The following LURAP1L variants were observed in gnomAD, a reference collection of about 807,000 sequenced individuals.
The protein encoded by LURAP1L is leucine rich adaptor protein 1-like.
In LURAP1L, 12 loss-of-function variants were observed where a neutral mutation model predicts 13.8. The ratio of observed to expected loss-of-function variants is 0.87; its 90% CI spans 0.56 to 1.41. LURAP1L has a LOEUF of 1.41. LURAP1L is among the 40% of genes most tolerant of loss of function. The pLI is 0.00. For missense variants in LURAP1L, 375 were observed against 292.9 expected, an observed-to-expected ratio of 1.28 and a Z score of -2.04; for synonymous variants, 139 against 119.2, an observed-to-expected ratio of 1.17 and a Z score of -1.08.
At chr9:12,788,919 T>A (rs1167448989) in intron 1 of LURAP1L, among the ~76,000 whole-genome samples, 1 of 150,640 alleles carries the variant, frequency 6.6e-6, no homozygotes, top group Non-Finnish European at 1.5e-5. Flanking sequence ...ATATTTTTAA[T>A]AAGCTGAGTG....
intron 1 of LURAP1L, among the ~76,000 whole-genome samples, chr9:12,816,429 T>A (rs993180678): frequency 1.3e-5 from 2 of 152,098 alleles, no homozygotes; most frequent in African/African-American, 4.8e-5. Context: ...TCCCCAAAGG[T>A]CAAATAGGAA....
At chr9:12,809,187 C>G (rs1819703940) in intron 1 of LURAP1L, among the ~76,000 whole-genome samples, 1 of 152,198 alleles carries the variant, frequency 6.6e-6, no homozygotes, top group Non-Finnish European at 1.5e-5. Context: ...CGAAACACCT[C>G]CTACCAGGCC....
chr9:12,806,400 T>G (rs1554658886), intron 1 of LURAP1L, among the ~76,000 whole-genome samples: 1 of 152,080 alleles, frequency 6.6e-6, no homozygotes, highest in Non-Finnish European at 1.5e-5. Context: ...TTTTCTTTTC[T>G]GGGTAGAAGC....
intron 1 of LURAP1L, among the ~76,000 whole-genome samples, chr9:12,804,298 T>A (rs1256374035): frequency 6.6e-6 from 1 of 152,060 alleles, no homozygotes; most frequent in African/African-American, 2.4e-5. Context: ...TACATTTGCA[T>A]CAGTTCTAAT....
chr9:12,795,911 A>G (rs965060450), intron 1 of LURAP1L, among the ~76,000 whole-genome samples: 2 of 152,116 alleles, frequency 1.3e-5, no homozygotes, highest in Non-Finnish European at 2.9e-5. Flanking sequence ...ATTAAAAATG[A>G]CAAAAATATT....
intron 1 of LURAP1L, among the ~76,000 whole-genome samples, chr9:12,815,092 A>C (rs6474732): frequency 0.16 from 24,559 of 151,952 alleles, 2,346 homozygotes; most frequent in East Asian, 0.32. Flanking sequence ...AAAGATGATA[A>C]TATTTTTATG....
At chr9:12,808,015 C>T (rs1819684373) in intron 1 of LURAP1L, among the ~76,000 whole-genome samples, 1 of 152,080 alleles carries the variant, frequency 6.6e-6, no homozygotes, top group Admixed American at 6.5e-5. Flanking sequence ...TCTCTTGTCT[C>T]TTATAAAATG....
chr9:12,805,487 A>C (rs1445654179), intron 1 of LURAP1L, among the ~76,000 whole-genome samples: 1 of 152,180 alleles, frequency 6.6e-6, no homozygotes, highest in South Asian at 2.1e-4. Flanking sequence ...TCAGTTCCAC[A>C]ACCTCAAGCA....
In LURAP1L at chr9:12,775,834, G is replaced by A; in HGVS notation, c.119G>A (p.Arg40Lys). The A allele has an allele frequency of 6.2e-7, 1 of 1,603,888 alleles. No homozygotes were observed. Among genetic ancestry groups the A allele is most frequent in the Non-Finnish European group, 8.5e-7 (1 of 1,175,894 alleles). ...GAGCCGGTTCCCAGGGAAAGGGACA[G>A]GGACCCCTGCGGGGGGAGCGGTGGT... ...GEEPVPRERDRDPCGGSGGGG... is the reference protein window; with the variant it reads ...GEEPVPRERDKDPCGGSGGGG... Residue 40 changes from arginine to lysine, a missense_variant, in exon 1 of 2, where the codon AGG becomes AAG. Arg to Lys is a conservative substitution (Grantham distance 26). Coordinates refer to ENST00000319264, the MANE Select transcript of LURAP1L (RefSeq NM_203403.2).
chr9:12,792,331 C>T (rs1334402617), intron 1 of LURAP1L, among the ~76,000 whole-genome samples: 1 of 152,074 alleles, frequency 6.6e-6, no homozygotes, highest in Non-Finnish European at 1.5e-5. Flanking sequence ...TAAATAATTT[C>T]TTAGCACTTT....
intron 1 of LURAP1L, among the ~76,000 whole-genome samples, chr9:12,783,874 CTTTTA>C (rs1159130085): frequency 9.0e-5 from 10 of 110,594 alleles, no homozygotes; most frequent in African/African-American, 2.4e-4. Flanking sequence ...CTTTTTTATT[CTTTTA>C]TTTTGTCTCC....
At chr9:12,794,600 G>A (rs148622658) in intron 1 of LURAP1L, among the ~76,000 whole-genome samples, 2 of 152,028 alleles carry the variant, frequency 1.3e-5, no homozygotes, top group Non-Finnish European at 2.9e-5. Context: ...CCATACACAT[G>A]AAATTAATTT....
At chr9:12,790,564 A>G (rs1453556615) in intron 1 of LURAP1L, 2 of 152,224 alleles carry the variant, frequency 1.3e-5, no homozygotes, top group African/African-American at 4.8e-5. Context: ...CTATTACTGT[A>G]GCGATTCACT....
Position 12,775,628 on chromosome 9 carries a change from G to C in LURAP1L, c.-88G>C. The C allele has an allele frequency of 8.7e-6, 13 of 1,494,330 alleles. No individual in the cohort carries two copies. Among genetic ancestry groups the C allele is most frequent in the Non-Finnish European group, 1.2e-5 (13 of 1,125,292 alleles). The allele number at this position is 1,494,330 out of a possible 1,614,324, so 92.6% of individuals were successfully genotyped here. ...GGATAGAGACCCTGGCCCCCGGAGA[G>C]GTCTGCTGATTTCGCAGCAGCCTTC... On this transcript the variant is annotated 5_prime_UTR_variant, in exon 1 of 2. Transcript: ENST00000319264.
chr9:12,798,975 C>T (rs1480775578), intron 1 of LURAP1L, among the ~76,000 whole-genome samples: 1 of 152,134 alleles, frequency 6.6e-6, no homozygotes, highest in Non-Finnish European at 1.5e-5. Context: ...TTGCTTCTTT[C>T]TTGAAAGATT....
At position 12,788,194 on chromosome 9, in the gene LURAP1L, A is replaced by AGAAAGAAAGAAAGAAAGAAAGAAAGAAAG. The variant is rs1554657448; in HGVS notation, c.312+12167_312+12168insGAAAGAAAGAAAGAAAGAAAGAAAGAAAG. On this transcript the variant is annotated intron_variant, in intron 1 of 1. Coordinates refer to ENST00000319264, the MANE Select transcript of LURAP1L (RefSeq NM_203403.2). Reference sequence around the variant, plus strand: ...AAGAAAGAAAGAAAGAAAGAAAGAAAAGAAAAGAAAAGAAAAGCTCAATGT... The same window carrying AGAAAGAAAGAAAGAAAGAAAGAAAGAAAG: ...AAGAAAGAAAGAAAGAAAGAAAGAAAGAAAGAAAGAAAGAAAGAAAGAAAGAAAGAGAAAAGAAAAGAAAAGCTCAATGT... Among the ~76,000 whole-genome samples, 9 of 151,524 alleles carry AGAAAGAAAGAAAGAAAGAAAGAAAGAAAG rather than the reference A, an allele frequency of 5.9e-5. No individual in the cohort carries two copies. In the East Asian group the frequency reaches 7.9e-4, roughly 13 times the overall value.
At chr9:12,781,503 C>T (rs3949960) in intron 1 of LURAP1L, among the ~76,000 whole-genome samples, 86,929 of 152,048 alleles carry the variant, frequency 0.57, 29,078 homozygotes, top group Non-Finnish European at 0.77. Flanking sequence ...AGTGAGACCA[C>T]GCCAAGTTTG....
rs1418560261 is a variant in LURAP1L, at chr9:12,821,964, T to C, written c.*204T>C. The C allele has an allele frequency of 4.1e-6, 2 of 488,024 alleles. No individual in the cohort carries two copies. Among genetic ancestry groups the C allele is most frequent in the Non-Finnish European group, 7.0e-6 (2 of 286,300 alleles). The allele number at this position is 488,024 out of a possible 1,614,324, so 30.2% of individuals were successfully genotyped here. The stretch of plus-strand genomic sequence containing the variant: ...TTTTCTCTGTTACATCTCTATTTTT[T>C]ATTTATTACAATGATTTTCTCCCTT... On this transcript the variant is annotated 3_prime_UTR_variant, in exon 2 of 2. Coordinates refer to ENST00000319264, the MANE Select transcript of LURAP1L (RefSeq NM_203403.2).
chr9:12,817,057 C>A (rs781154271), intron 1 of LURAP1L, among the ~76,000 whole-genome samples: 4 of 152,124 alleles, frequency 2.6e-5, no homozygotes, highest in Non-Finnish European at 4.4e-5. Context: ...TGACTTACAC[C>A]TTGAAGTCCA....
Sources: gnomAD v4.1 joint callset for allele counts (sites outside exome capture counted in the v4.1 genomes callset) on GRCh38, gnomAD v4.1.1 for gene constraint, MANE v1.5 for transcripts, NCBI Gene and HGNC (gene_info 2026-07-23, HGNC 2026-07-21) for gene names.